Variants in DENND5B observed in about 807,000 individuals in gnomAD.
DENND5B encodes the protein DENN domain-containing protein 5B.
Under a neutral mutation model 140.6 loss-of-function variants are expected in DENND5B, and 34 were observed. That is an observed-to-expected ratio of 0.24 (90% confidence interval 0.18 to 0.32). DENND5B has a LOEUF of 0.32. Among genes scored for constraint, DENND5B ranks in the 10% least tolerant of loss-of-function variants. The pLI, the probability that DENND5B is intolerant of heterozygous loss-of-function variation, is 1.00. For synonymous variants in DENND5B, 551 were observed against 562.1 expected (o/e 0.98, Z 0.28); for missense variants, 1,142 against 1,560.2 (o/e 0.73, Z 4.52).
chr12:31,504,848 G>C (rs1182100822), intron 1 of DENND5B, among the ~76,000 whole-genome samples: 1 of 152,104 alleles, frequency 6.6e-6, no homozygotes, highest in Non-Finnish European at 1.5e-5. Context: ...CGTCATTTCC[G>C]GGTCAAGGCA....
intron 1 of DENND5B, among the ~76,000 whole-genome samples, chr12:31,523,792 CAT>C (rs1947989473): frequency 6.6e-6 from 1 of 152,206 alleles, no homozygotes; most frequent in Non-Finnish European, 1.5e-5. Context: ...TTTGTATGTA[CAT>C]GACACACTGG....
chr12:31,516,102 A>G (rs1474432274), intron 1 of DENND5B, among the ~76,000 whole-genome samples: 1 of 152,174 alleles, frequency 6.6e-6, no homozygotes, highest in Non-Finnish European at 1.5e-5. Flanking sequence ...CCTTTTGATA[A>G]TTACTAAAGT....
chr12:31,495,816 C>T lies in DENND5B; in HGVS notation c.231G>A (p.Val77=). The part of the protein sequence containing the change: ...IEWNPFDQDA[V]NMLCMPKGLS... ...GGGGAAAAAAAACACATACCATGTT[C>T]ACCGCATCTTGATCAAAAGGGTTCC... The change falls in exon 2 of 21, where the codon GTG becomes GTA. Residue 77 remains valine (V), a synonymous_variant. Coordinates refer to ENST00000389082, the MANE Select transcript of DENND5B (RefSeq NM_144973.4). The T allele has an allele frequency of 1.9e-6, 3 of 1,607,090 alleles. No homozygotes were observed. The highest frequency in any genetic ancestry group is 2.2e-5 in the South Asian group (2 of 89,748).
intron 1 of DENND5B, among the ~76,000 whole-genome samples, chr12:31,513,573 T>C (rs750559310): frequency 5.3e-5 from 8 of 152,216 alleles, no homozygotes; most frequent in Non-Finnish European, 1.2e-4. Context: ...TTCTGCTCAG[T>C]GTGTTCCAGT....
chr12:31,584,778 C>T (rs1043204521), intron 1 of DENND5B, among the ~76,000 whole-genome samples: 6 of 152,126 alleles, frequency 3.9e-5, no homozygotes, highest in Admixed American at 6.5e-5. Flanking sequence ...AATAAGCCAA[C>T]ATTGCACCAC....
At chr12:31,414,068 C>T (rs1469978751) in intron 12 of DENND5B, among the ~76,000 whole-genome samples, 1 of 152,112 alleles carries the variant, frequency 6.6e-6, no homozygotes, top group African/African-American at 2.4e-5. Flanking sequence ...ATAAGCCAGA[C>T]TGCATTGATA....
chr12:31,394,349 T>C (rs1941316694), intron 17 of DENND5B, among the ~76,000 whole-genome samples: 1 of 151,986 alleles, frequency 6.6e-6, no homozygotes, highest in African/African-American at 2.4e-5. Context: ...GCTTATAGCA[T>C]GAGAAAAGAA....
intron 7 of DENND5B, among the ~76,000 whole-genome samples, chr12:31,441,645 C>G (rs1944037784): frequency 6.6e-6 from 1 of 152,126 alleles, no homozygotes; most frequent in African/African-American, 2.4e-5. Context: ...CCACACCCAG[C>G]TCCAAATGAA....
intron 3 of DENND5B, among the ~76,000 whole-genome samples, chr12:31,460,943 C>A (rs1437495053): frequency 2.6e-5 from 4 of 152,162 alleles, no homozygotes; most frequent in Non-Finnish European, 5.9e-5. Context: ...CCAGGGTGAT[C>A]TTGAACTCTT....
Position 31,451,994 on chromosome 12 carries a change from G to A in DENND5B, c.1575C>T (p.Ala525=), listed in dbSNP as rs3205175. The change falls in exon 5 of 21, where the codon GCC becomes GCT. Residue 525 remains alanine, a synonymous_variant. Transcript: ENST00000389082. ...TGGTCAGCCAGGATTCCATGTCCTG[G>A]GCAGTCTGAATGACAAATGCTTCGT... ...ADYEAFVIQT[A]QDMESWLTNR... is the part of the protein sequence containing the mutation. 11 of 1,613,408 alleles carry A rather than the reference G, an allele frequency of 6.8e-6. No individual in the cohort carries two copies. Among genetic ancestry groups the A allele is most frequent in the Middle Eastern group, 1.7e-4 (1 of 6,058 alleles).
At chr12:31,492,641 A>C (rs1294611723) in intron 2 of DENND5B, among the ~76,000 whole-genome samples, 1 of 152,230 alleles carries the variant, frequency 6.6e-6, no homozygotes, top group African/African-American at 2.4e-5. Context: ...ATTGTGATCT[A>C]TTCATATTCT....
intron 1 of DENND5B, among the ~76,000 whole-genome samples, chr12:31,588,138 G>C (rs1193788040): frequency 1.3e-5 from 2 of 152,114 alleles, no homozygotes; most frequent in Non-Finnish European, 1.5e-5. Context: ...GCACAAACTA[G>C]TGACTGTCCC....
rs1940706309 is a variant in DENND5B, at chr12:31,383,230, A to G, written c.*4373T>C. On this transcript the variant is annotated 3_prime_UTR_variant, in exon 21 of 21. Coordinates refer to ENST00000389082, the MANE Select transcript of DENND5B (RefSeq NM_144973.4). ...ATCTTTAGCAGAAAGAAGATATTTC[A>G]TTATGAAGAGCTACACTCCTAATGT... is the stretch of plus-strand genomic sequence containing the variant. 1 of 152,238 alleles carries G rather than the reference A, an allele frequency of 6.6e-6. No individual in the cohort carries two copies. Among genetic ancestry groups the G allele is most frequent in the Admixed American group, 6.5e-5 (1 of 15,280 alleles). The allele number at this position is 152,238 out of a possible 1,614,324, so 9.4% of individuals were successfully genotyped here.
At chr12:31,513,975 T>A (rs564129487) in intron 1 of DENND5B, among the ~76,000 whole-genome samples, 1 of 152,054 alleles carries the variant, frequency 6.6e-6, no homozygotes, top group Non-Finnish European at 1.5e-5. Context: ...GTAGCTAGGA[T>A]TATAGGAATG....
At chr12:31,457,957 G>A (rs184061327) in intron 4 of DENND5B, among the ~76,000 whole-genome samples, 41 of 151,488 alleles carry the variant, frequency 2.7e-4, no homozygotes, top group Admixed American at 1.2e-3. Context: ...CTCGTGATCC[G>A]CCCGCCTCAG....
intron 3 of DENND5B, among the ~76,000 whole-genome samples, chr12:31,463,480 A>G (rs1219042014): frequency 2.0e-5 from 3 of 152,192 alleles, no homozygotes; most frequent in Non-Finnish European, 4.4e-5. Context: ...AATAGAGGCT[A>G]AAACAATATT....
At chr12:31,573,277 CA>C (rs1048737692) in intron 1 of DENND5B, among the ~76,000 whole-genome samples, 1 of 152,020 alleles carries the variant, frequency 6.6e-6, no homozygotes, top group African/African-American at 2.4e-5. Flanking sequence ...CTTTTAAGAG[CA>C]AAAAATGTAA....
chr12:31,508,968 A>G (rs1167640414), intron 1 of DENND5B, among the ~76,000 whole-genome samples: 1 of 152,158 alleles, frequency 6.6e-6, no homozygotes, highest in Non-Finnish European at 1.5e-5. Context: ...AGGTGGAGCC[A>G]TTTTAACCAC....
intron 5 of DENND5B, among the ~76,000 whole-genome samples, chr12:31,451,126 A>G (rs1944497365): frequency 1.3e-5 from 2 of 152,204 alleles, no homozygotes; most frequent in African/African-American, 4.8e-5. Flanking sequence ...CTTTACATGG[A>G]CAAGTTGTGA....
Sources: gnomAD v4.1 joint callset for allele counts (sites outside exome capture counted in the v4.1 genomes callset) on GRCh38, gnomAD v4.1.1 for gene constraint, MANE v1.5 for transcripts, NCBI Gene and HGNC (gene_info 2026-07-23, HGNC 2026-07-21) for gene names.